TNFAIP2: variants seen among roughly 807,000 people sequenced by gnomAD.
The protein encoded by TNFAIP2 is tumor necrosis factor alpha-induced protein 2.
Under a neutral mutation model 63.5 loss-of-function variants are expected in TNFAIP2, and 47 were observed. The ratio of observed to expected loss-of-function variants is 0.74; its 90% CI spans 0.59 to 0.94. The LOEUF (loss-of-function observed/expected upper bound fraction) is 0.94. Ranked by LOEUF, TNFAIP2 falls within the 40% of genes least tolerant of loss-of-function variation. TNFAIP2 has a pLI of 0.00. For missense variants in TNFAIP2, 787 were observed against 850.2 expected (o/e 0.93, Z 0.92); for synonymous variants, 405 against 390.2 (o/e 1.04, Z -0.45).
chr14:103,135,449 G>A lies in TNFAIP2; in HGVS notation c.*89G>A. The A allele has an allele frequency of 6.6e-7, 1 of 1,515,088 alleles. No individual in the cohort carries two copies. 93.9% of individuals were successfully genotyped at this position (1,515,088 alleles called of 1,614,324 possible). On this transcript the variant is annotated 3_prime_UTR_variant, in exon 12 of 12. Transcript: ENST00000560869. The surrounding 1 kb of genome is among the most constrained non-coding windows in gnomAD (Gnocchi z 7.6). Reference sequence around the variant, plus strand: ...CTGTTAAGAGCAGCGCTGGTTCTCGGTTCCTCCCGGGTCTCCTGTGCTCTG... The same window carrying A: ...CTGTTAAGAGCAGCGCTGGTTCTCGATTCCTCCCGGGTCTCCTGTGCTCTG...
At position 103,137,333 on chromosome 14, in the gene TNFAIP2, T is replaced by A. The variant is rs2088113884; in HGVS notation, c.*1973T>A. 1 of 152,264 alleles carries A rather than the reference T, an allele frequency of 6.6e-6. No homozygotes were observed. The highest frequency in any genetic ancestry group is 1.5e-5 in the Non-Finnish European group (1 of 68,052). 9.4% of individuals were successfully genotyped at this position (152,264 alleles called of 1,614,324 possible). A position where few individuals can be genotyped will look rare whatever the true frequency, so the allele number is the denominator to read the frequency against. ...GTACGTGTGTAGGAGTTAGCGTGTT[T>A]GATATTGTTAATATAATAATAATTA... On this transcript the variant is annotated 3_prime_UTR_variant, in exon 12 of 12. Coordinates refer to ENST00000560869, the MANE Select transcript of TNFAIP2 (RefSeq NM_006291.4).
rs1054168911 is a variant in TNFAIP2 at position 103,123,909 on chromosome 14, G to C, written c.-191G>C. ...AAGGAGCCGGGCCCAGCGAGCTCCC[G>C]GGAGGTGTGTGGACATCAGCCCTGA... On this transcript the variant is annotated 5_prime_UTR_variant, in exon 1 of 12. Coordinates refer to ENST00000560869, the MANE Select transcript of TNFAIP2 (RefSeq NM_006291.4). 6.6e-6 allele frequency: 1 copy of C among 152,386 alleles called. No individual in the cohort carries two copies. The highest frequency in any genetic ancestry group is 1.5e-5 in the Non-Finnish European group (1 of 68,158). The allele number at this position is 152,386 out of a possible 1,614,324, so 9.4% of individuals were successfully genotyped here.
At chr14:103,129,449 C>T (rs1191412724) in intron 3 of TNFAIP2, among the ~76,000 whole-genome samples, 1 of 145,170 alleles carries the variant, frequency 6.9e-6, no homozygotes, top group South Asian at 2.2e-4. Flanking sequence ...CCGGCCAGGG[C>T]GCCAGAGTGG....
chr14:103,130,684 C>T (rs2087954479), intron 6 of TNFAIP2, among the ~76,000 whole-genome samples: 1 of 152,212 alleles, frequency 6.6e-6, no homozygotes, highest in African/African-American at 2.4e-5. Flanking sequence ...GAGGATACCC[C>T]AGGAGGGACT....
In TNFAIP2 at chr14:103,136,520, CTTT is replaced by C. The variant is rs11358000; in HGVS notation, c.*1176_*1178del. ...TCCCCTCTCCTGCCTCCCTCCACCA[CTTT>C]TTTTTTTTTTTTTTTGAGACAGGGT... On this transcript the variant is annotated 3_prime_UTR_variant, in exon 12 of 12. Transcript: ENST00000560869. The C allele has an allele frequency of 2.5e-4, 30 of 120,882 alleles. No homozygotes were observed. The highest frequency in any genetic ancestry group is 2.7e-4 in the South Asian group (1 of 3,740). The allele number at this position is 120,882 out of a possible 1,614,324, so 7.5% of individuals were successfully genotyped here. A position where few individuals can be genotyped will look rare whatever the true frequency, so the allele number is the denominator to read the frequency against.
At chr14:103,130,486 A>C in intron 6 of TNFAIP2, 71 bp downstream of exon 6, 1 of 1,418,914 alleles carries the variant, frequency 7.0e-7, no homozygotes, top group Non-Finnish European at 9.7e-7. Context: ...CTAGTGCCTC[A>C]GGTGGGGAGC....
intron 8 of TNFAIP2, among the ~76,000 whole-genome samples, chr14:103,132,426 C>T (rs1309057155): frequency 1.3e-5 from 2 of 152,194 alleles, no homozygotes; most frequent in Non-Finnish European, 2.9e-5. Flanking sequence ...CTCCCTGGCC[C>T]AGCCAAGCAC....
At position 103,136,003 on chromosome 14, in the gene TNFAIP2, A is replaced by G. The variant is rs1048958834; in HGVS notation, c.*643A>G. On this transcript the variant is annotated 3_prime_UTR_variant, in exon 12 of 12. Transcript: ENST00000560869. ...AGGCTGGCCCTGCAATGGGGCCCTG[A>G]GCCCTCCCTCTTCATCCCCCAAGGC... 4.7e-6 allele frequency: 6 copies of G among 1,286,928 alleles called. No homozygotes were observed. In the Admixed American group the frequency reaches 9.3e-5, roughly 20 times the overall value. The allele number at this position is 1,286,928 out of a possible 1,614,324, so 79.7% of individuals were successfully genotyped here.
In TNFAIP2 at chr14:103,132,815, C is replaced by G; in HGVS notation, c.1488C>G (p.Ile496Met). Residue 496 changes from isoleucine (I) to methionine (M), a missense_variant, in exon 9 of 12, where the codon ATC becomes ATG. This residue lies in a region of TNFAIP2 where 523 missense variants were observed against 604.1 expected (regional missense o/e 0.87). Transcript: ENST00000560869. ...AAPVETLENI[I>M]ATVDTRLPEF... Reference sequence around the variant, plus strand: ...CTGTGGAGACCCTGGAAAACATCATCGCCACTGTAGACACGAGGCTGCCTG... The same window carrying G: ...CTGTGGAGACCCTGGAAAACATCATGGCCACTGTAGACACGAGGCTGCCTG... 6.2e-7 allele frequency: 1 copy of G among 1,614,076 alleles called. No homozygotes were observed. Among genetic ancestry groups the G allele is most frequent in the South Asian group, 1.1e-5 (1 of 91,032 alleles).
At position 103,127,180 on chromosome 14, in the gene TNFAIP2, G is replaced by GGGCGTGCTGCGGCGGCCGCTGGAGGC. The variant is rs2087874330; in HGVS notation, c.413_438dup (p.Pro147AlafsTer87). The GGGCGTGCTGCGGCGGCCGCTGGAGGC allele has an allele frequency of 8.9e-7, 1 of 1,129,864 alleles. No homozygotes were observed. The highest frequency in any genetic ancestry group is 2.4e-5 in the South Asian group (1 of 41,772). 70.0% of individuals were successfully genotyped at this position (1,129,864 alleles called of 1,614,324 possible). ...ACGAGCTGCTGCGCGACCAGGTGCT[G>GGGCGTGCTGCGGCGGCCGCTGGAGGC]GGCGTGCTGCGGCGGCCGCTGGAGG... On this transcript the variant is annotated frameshift_variant, in exon 3 of 12. Transcript: ENST00000560869. LOFTEE classifies it high-confidence loss of function. This position sits in a 1 kb window ranked among gnomAD's most constrained non-coding sequence, Gnocchi z 5.1.
In TNFAIP2 at chr14:103,129,739, G is replaced by A. The variant is rs1481953036; in HGVS notation, c.861-1G>A. On this transcript the variant is annotated splice_acceptor_variant, in intron 3 of 11. Coordinates refer to ENST00000560869, the MANE Select transcript of TNFAIP2 (RefSeq NM_006291.4). LOFTEE classifies it high-confidence loss of function. Reference sequence around the variant, plus strand: ...CTCATGCCAGCCTCCCCTGCCTGCAGTGACATCATCAACAGCCCCAAGCTG... The same window carrying A: ...CTCATGCCAGCCTCCCCTGCCTGCAATGACATCATCAACAGCCCCAAGCTG... The A allele has an allele frequency of 6.2e-7, 1 of 1,613,424 alleles. No individual in the cohort carries two copies. The highest frequency in any genetic ancestry group is 8.5e-7 in the Non-Finnish European group (1 of 1,179,574).
intron 1 of TNFAIP2, 55 bp from the exon 2 acceptor site, chr14:103,126,255 T>C (rs2087849505): frequency 7.5e-6 from 4 of 532,920 alleles, no homozygotes; most frequent in Non-Finnish European, 1.4e-5. Context: ...GTGTCCAGCC[T>C]GGGAGCCAGG....
At position 103,127,152 on chromosome 14, in the gene TNFAIP2, T is replaced by C; in HGVS notation, c.383T>C (p.Leu128Pro). Residue 128 changes from leucine (L) to proline (P), a missense_variant, in exon 3 of 12, where the codon CTG becomes CCG. Leu to Pro is a moderately conservative substitution (Grantham distance 98). This residue lies in a region of TNFAIP2 where 258 missense variants were observed against 228.9 expected (regional missense o/e 1.13). Coordinates refer to ENST00000560869, the MANE Select transcript of TNFAIP2 (RefSeq NM_006291.4). The surrounding 1 kb of genome is among the most constrained non-coding windows in gnomAD (Gnocchi z 5.1). ...LVRRQSKVEA[L>P]YELLRDQVLG... ...CGGCGCCAGAGCAAGGTGGAGGCGC[T>C]GTACGAGCTGCTGCGCGACCAGGTG... is the stretch of plus-strand genomic sequence containing the variant. The C allele has an allele frequency of 9.0e-7, 1 of 1,110,522 alleles. No individual in the cohort carries two copies. The highest frequency in any genetic ancestry group is 1.1e-6 in the Non-Finnish European group (1 of 908,292). The allele number at this position is 1,110,522 out of a possible 1,614,324, so 68.8% of individuals were successfully genotyped here.
At position 103,130,047 on chromosome 14, in the gene TNFAIP2, CG is replaced by C; in HGVS notation, c.1023del (p.Arg342AlafsTer45). The stretch of plus-strand genomic sequence containing the variant: ...GGACCGAGCTCTGGAGCTAGAGGCA[CG>C]GCGCTGGGCTGAGGATGTGCCTCCC... ...LMDRALELEA[R>X]RWAEDVPPQR... On this transcript the variant is annotated frameshift_variant, in exon 5 of 12. Coordinates refer to ENST00000560869, the MANE Select transcript of TNFAIP2 (RefSeq NM_006291.4). LOFTEE classifies it high-confidence loss of function. 6.2e-7 allele frequency: 1 copy of C among 1,613,168 alleles called. No individual in the cohort carries two copies. Among genetic ancestry groups the C allele is most frequent in the Non-Finnish European group, 8.5e-7 (1 of 1,179,944 alleles).
Position 103,127,073 on chromosome 14 carries a change from C to G in TNFAIP2, c.304C>G (p.Arg102Gly). The G allele has an allele frequency of 1.8e-6, 2 of 1,122,926 alleles. No individual in the cohort carries two copies. The highest frequency in any genetic ancestry group is 2.2e-6 in the Non-Finnish European group (2 of 919,240). 69.6% of individuals were successfully genotyped at this position (1,122,926 alleles called of 1,614,324 possible). A position where few individuals can be genotyped will look rare whatever the true frequency, so the allele number is the denominator to read the frequency against. Reference sequence around the variant, plus strand: ...GGCGCGGCCGCTGCTGGCGCTGGAGCGGGAGCTGGCGGCGGCGGCGGCGGC... The same window carrying G: ...GGCGCGGCCGCTGCTGGCGCTGGAGGGGGAGCTGGCGGCGGCGGCGGCGGC... ...EAARPLLALE[R>G]ELAAAAAAGG... Residue 102 changes from arginine (R) to glycine (G), a missense_variant, in exon 3 of 12, where the codon CGG becomes GGG. Transcript: ENST00000560869. The surrounding 1 kb of genome is among the most constrained non-coding windows in gnomAD (Gnocchi z 5.1).
intron 1 of TNFAIP2, among the ~76,000 whole-genome samples, chr14:103,125,422 G>A (rs896834235): frequency 2.0e-5 from 3 of 152,214 alleles, no homozygotes; most frequent in Non-Finnish European, 2.9e-5. Context: ...CGGGTGGCCT[G>A]AGTTCCAAGC....
rs960382789 is a variant in TNFAIP2, at chr14:103,126,790, G to T, written c.235+98G>T. The T allele has an allele frequency of 2.0e-5, 27 of 1,371,110 alleles. 1 individual carries two copies. The South Asian group carries it at 3.8e-4, about 19-fold the overall frequency. 84.9% of individuals were successfully genotyped at this position (1,371,110 alleles called of 1,614,324 possible). ...ACTTGCACAGTGGGCCGGCAAGTGG[G>T]GCTGGAAGGCGCGTCTGTCTCCCTG... On this transcript the variant is annotated intron_variant, in intron 2 of 11. Transcript: ENST00000560869.
rs2139563261 is a variant in TNFAIP2, at chr14:103,131,636, C to CA, written c.1299-2dup. ...GGGTGACCTCTCTGCCTCCACCTTCCAGGATGTCCATGGAGCAGAATTGGC... is the reference window on the plus strand; with the variant it reads ...GGGTGACCTCTCTGCCTCCACCTTCCAAGGATGTCCATGGAGCAGAATTGGC... On this transcript the variant is annotated splice_region_variant and splice_polypyrimidine_tract_variant and intron_variant, in intron 7 of 11. Coordinates refer to ENST00000560869, the MANE Select transcript of TNFAIP2 (RefSeq NM_006291.4). This position sits in a 1 kb window ranked among gnomAD's most constrained non-coding sequence, Gnocchi z 4.0. 6.3e-7 allele frequency: 1 copy of CA among 1,589,932 alleles called. No homozygotes were observed. The highest frequency in any genetic ancestry group is 2.3e-5 in the East Asian group (1 of 44,336).
In TNFAIP2 at chr14:103,133,001, C is replaced by G. The variant is rs943356183; in HGVS notation, c.1545+129C>G. The G allele has an allele frequency of 4.2e-6, 6 of 1,435,246 alleles. No homozygotes were observed. The African/African-American group carries it at 8.3e-5, about 20-fold the overall frequency. The allele number at this position is 1,435,246 out of a possible 1,614,324, so 88.9% of individuals were successfully genotyped here. A position where few individuals can be genotyped will look rare whatever the true frequency, so the allele number is the denominator to read the frequency against. The stretch of plus-strand genomic sequence containing the variant: ...GCACATGTGAACACACGTGAATGCA[C>G]GAGCATGTGAACACGTGCACATGTG... On this transcript the variant is annotated intron_variant, in intron 9 of 11. Transcript: ENST00000560869.
Sources: allele counts gnomAD v4.1 joint callset (sites outside exome capture counted in the v4.1 genomes callset), GRCh38; gene constraint gnomAD v4.1.1; regional missense constraint gnomAD v4.1.1; non-coding constraint Gnocchi (gnomAD v3.1); transcripts MANE v1.5; gene names NCBI Gene and HGNC (gene_info 2026-07-23, HGNC 2026-07-21).